The following FER1L6 variants were observed in gnomAD, a reference collection of about 807,000 sequenced individuals.
FER1L6 encodes fer-1-like protein 6.
Under a neutral mutation model 219.2 loss-of-function variants are expected in FER1L6, and 177 were observed. The ratio of observed to expected loss-of-function variants is 0.81; its 90% CI spans 0.71 to 0.91. FER1L6 has a LOEUF of 0.91. Among genes scored for constraint, FER1L6 ranks in the 40% least tolerant of loss-of-function variants. The pLI is 0.00. For synonymous variants in FER1L6, 768 were observed against 824.3 expected (o/e 0.93, Z 1.17); for missense variants, 2,153 against 2,259.9 (o/e 0.95, Z 0.96).
Position 124,082,463 on chromosome 8 carries a change from G to GTTCT in FER1L6, c.4391+10_4391+13dup. On this transcript the variant is annotated splice_donor_region_variant and intron_variant, in intron 33 of 40. Transcript: ENST00000522917. The stretch of plus-strand genomic sequence containing the variant: ...CTTGCAGAGCCAGTATGAGATGTAA[G>GTTCT]TTCTTTCTCCCCGGGAGACACTTGG... The GTTCT allele has an allele frequency of 6.2e-7, 1 of 1,613,054 alleles. No individual in the cohort carries two copies. Among genetic ancestry groups the GTTCT allele is most frequent in the Non-Finnish European group, 8.5e-7 (1 of 1,179,540 alleles).
At chr8:124,116,571 T>C (rs1035076832) in intron 39 of FER1L6, among the ~76,000 whole-genome samples, 1 of 152,346 alleles carries the variant, frequency 6.6e-6, no homozygotes, top group East Asian at 1.9e-4. Flanking sequence ...ATGCAAGTTA[T>C]AAAGTGCCAG....
chr8:123,974,659 CAAAAA>C lies in FER1L6; in HGVS notation c.527-472_527-468del, dbSNP rs994690186. On this transcript the variant is annotated intron_variant, in intron 7 of 40. Coordinates refer to ENST00000522917, the MANE Select transcript of FER1L6 (RefSeq NM_001039112.2). The stretch of plus-strand genomic sequence containing the variant: ...CAGGCATCACAGCGAGACTCTGTCT[CAAAAA>C]AAAAAAAAAAAAAAAAAAGAAATGT... 3.1e-4 allele frequency among the ~76,000 whole-genome samples: 15 copies of C among 47,788 alleles called. 1 individual carries two copies. The highest frequency in any genetic ancestry group is 2.2e-3 in the East Asian group (4 of 1,840). 31.4% of individuals were successfully genotyped at this position (47,788 alleles called of 152,430 possible). A position where few individuals can be genotyped will look rare whatever the true frequency, so the allele number is the denominator to read the frequency against.
intron 1 of FER1L6, among the ~76,000 whole-genome samples, chr8:123,901,869 C>T (rs1384732282): frequency 6.6e-6 from 1 of 151,932 alleles, no homozygotes; most frequent in East Asian, 1.9e-4. Context: ...TAGGTGCCCG[C>T]CACCACGCCT....
intron 1 of FER1L6, among the ~76,000 whole-genome samples, chr8:123,887,625 C>T (rs9656950): frequency 1.2e-4 from 18 of 152,200 alleles, no homozygotes; most frequent in Admixed American, 3.3e-4. Context: ...GCAGGTTGAA[C>T]AAGCCCAACT....
intron 20 of FER1L6, among the ~76,000 whole-genome samples, chr8:124,041,327 T>C (rs1819480111): frequency 6.6e-6 from 1 of 152,354 alleles, no homozygotes; most frequent in East Asian, 1.9e-4. Context: ...TGATAAATGA[T>C]GGCCATGACA....
intron 1 of FER1L6, among the ~76,000 whole-genome samples, chr8:123,864,208 T>TA (rs1280471197): frequency 6.6e-6 from 1 of 150,934 alleles, no homozygotes. Context: ...TGCTTGTTTG[T>TA]AAAGTATTTT....
chr8:123,973,171 G>A (rs1316709822), intron 6 of FER1L6, among the ~76,000 whole-genome samples: 2 of 152,172 alleles, frequency 1.3e-5, no homozygotes, highest in African/African-American at 4.8e-5. Flanking sequence ...GGGTGTTGAA[G>A]GGTGAGCTGT....
rs750561738 is a variant in FER1L6, at chr8:123,852,358, A to C, written c.-8+173A>C. ...GGTAGCTGGCTGGTCACCCCAGGGA[A>C]TGGTGCCATATATTGGGGACTCAGC... On this transcript the variant is annotated intron_variant, in intron 1 of 40. Coordinates refer to ENST00000522917, the MANE Select transcript of FER1L6 (RefSeq NM_001039112.2). The surrounding 1 kb of genome is among the most constrained non-coding windows in gnomAD (Gnocchi z 4.9). Among the ~76,000 whole-genome samples the C allele has an allele frequency of 1.3e-5, 2 of 152,090 alleles. No individual in the cohort carries two copies. Among genetic ancestry groups the C allele is most frequent in the Non-Finnish European group, 2.9e-5 (2 of 67,996 alleles).
chr8:123,969,576 C>T (rs1220325694), intron 5 of FER1L6, among the ~76,000 whole-genome samples: 1 of 152,134 alleles, frequency 6.6e-6, no homozygotes, highest in East Asian at 1.9e-4. Flanking sequence ...TATGACTTGA[C>T]AATTCCATTT....
At chr8:123,995,651 G>A (rs1817098771) in intron 12 of FER1L6, among the ~76,000 whole-genome samples, 2 of 151,694 alleles carry the variant, frequency 1.3e-5, no homozygotes, top group African/African-American at 2.4e-5. Flanking sequence ...TTTTTATGTT[G>A]TTGTTTAGAT....
chr8:123,928,466 A>C (rs1010221422), intron 1 of FER1L6, among the ~76,000 whole-genome samples: 1 of 152,164 alleles, frequency 6.6e-6, no homozygotes, highest in Non-Finnish European at 1.5e-5. Context: ...GGGGAAGGGC[A>C]AATAGGCTTG....
intron 1 of FER1L6, among the ~76,000 whole-genome samples, chr8:123,898,848 T>C (rs184924800): frequency 0.027 from 3,803 of 143,212 alleles, 73 homozygotes; most frequent in African/African-American, 0.037. Context: ...CATACATATA[T>C]ACACACACAC....
chr8:123,866,328 T>C (rs902827501), intron 1 of FER1L6, among the ~76,000 whole-genome samples: 2 of 151,654 alleles, frequency 1.3e-5, no homozygotes, highest in Non-Finnish European at 2.9e-5. Flanking sequence ...TATATATATA[T>C]ACACTACGTA....
At chr8:124,113,833 T>TA (rs1823118338) in intron 39 of FER1L6, among the ~76,000 whole-genome samples, 1 of 152,218 alleles carries the variant, frequency 6.6e-6, no homozygotes. Flanking sequence ...GTGATACTGT[T>TA]TACTCCATAG....
At chr8:124,114,906 T>G (rs1385175662) in intron 39 of FER1L6, among the ~76,000 whole-genome samples, 1 of 126,476 alleles carries the variant, frequency 7.9e-6, no homozygotes, top group Non-Finnish European at 1.6e-5. Flanking sequence ...TATATATATA[T>G]ATATATATAT....
chr8:123,900,052 G>A (rs1206317544), intron 1 of FER1L6, among the ~76,000 whole-genome samples: 1 of 152,044 alleles, frequency 6.6e-6, no homozygotes, highest in Non-Finnish European at 1.5e-5. Context: ...GTATTTTGAT[G>A]GGGATTGCAT....
intron 39 of FER1L6, among the ~76,000 whole-genome samples, chr8:124,106,079 C>T (rs750110385): frequency 2.0e-5 from 3 of 151,930 alleles, no homozygotes; most frequent in Non-Finnish European, 2.9e-5. Flanking sequence ...CAAATAGTGG[C>T]GATGCCAGTA....
intron 19 of FER1L6, 54 bp from the exon 20 acceptor site, chr8:124,039,828 C>G: frequency 2.5e-6 from 4 of 1,611,550 alleles, no homozygotes; most frequent in Non-Finnish European, 3.4e-6. Context: ...CATGTGCACA[C>G]ACTGTTCTTG....
chr8:123,901,361 C>T (rs1254337307), intron 1 of FER1L6, among the ~76,000 whole-genome samples: 3 of 152,114 alleles, frequency 2.0e-5, no homozygotes, highest in South Asian at 4.1e-4. Context: ...TCTTCTGTTT[C>T]GTTTCTTAGC....
Sources: gnomAD v4.1 joint callset for allele counts (sites outside exome capture counted in the v4.1 genomes callset) on GRCh38, gnomAD v4.1.1 for gene constraint, Gnocchi (gnomAD v3.1) non-coding constraint, MANE v1.5 for transcripts, NCBI Gene and HGNC (gene_info 2026-07-23, HGNC 2026-07-21) for gene names.